Variants in SMARCC1 observed in about 807,000 individuals in gnomAD.
The protein encoded by SMARCC1 is SWI/SNF related BAF chromatin remodeling complex subunit C1, also known as SWI/SNF complex subunit SMARCC1.
In SMARCC1, 43 loss-of-function variants were observed where a neutral mutation model predicts 147.4. That is an observed-to-expected ratio of 0.29 (90% CI 0.23 to 0.38). The LOEUF is 0.38. SMARCC1 is among the 10% of genes least tolerant of loss of function. The pLI, the probability that SMARCC1 is intolerant of heterozygous loss-of-function variation, is 1.00. For synonymous variants in SMARCC1, 495 were observed against 484.4 expected (o/e 1.02, Z -0.29); for missense variants, 1,119 against 1,381.1 (o/e 0.81, Z 3.01).
chr3:47,602,168 G>C (rs747397101), intron 26 of SMARCC1, among the ~76,000 whole-genome samples: 1 of 152,116 alleles, frequency 6.6e-6, no homozygotes, highest in Admixed American at 6.5e-5. Flanking sequence ...GCACATGCCT[G>C]TAAGTCCCAG....
At chr3:47,689,979 T>A (rs1250826912) in intron 12 of SMARCC1, among the ~76,000 whole-genome samples, 1 of 152,188 alleles carries the variant, frequency 6.6e-6, no homozygotes, top group East Asian at 1.9e-4. Context: ...AACAACAAGT[T>A]ACATTATTAT....
chr3:47,701,795 CAG>C (rs1459410162), intron 10 of SMARCC1: 1 of 154,456 alleles, frequency 6.5e-6, no homozygotes, highest in Non-Finnish European at 1.4e-5. Context: ...GCCTGGGTGA[CAG>C]AGAGAGACTC....
chr3:47,670,339 C>G, intron 19 of SMARCC1: 1 of 318,524 alleles, frequency 3.1e-6, no homozygotes, highest in Non-Finnish European at 5.7e-6. Context: ...CATGCCAGAA[C>G]TTTGGGAGGC....
chr3:47,597,021 A>T (rs1039466332), intron 26 of SMARCC1, among the ~76,000 whole-genome samples: 1 of 151,926 alleles, frequency 6.6e-6, no homozygotes, highest in Non-Finnish European at 1.5e-5. Flanking sequence ...TGATGAAAAT[A>T]AAAAAATTAG....
intron 10 of SMARCC1, among the ~76,000 whole-genome samples, chr3:47,703,950 C>T (rs1415571866): frequency 1.3e-5 from 2 of 152,130 alleles, no homozygotes; most frequent in African/African-American, 4.8e-5. Context: ...GCGCCTGCCA[C>T]CACACCCGGC....
chr3:47,634,925 A>G (rs2032948381), intron 24 of SMARCC1, among the ~76,000 whole-genome samples: 1 of 152,206 alleles, frequency 6.6e-6, no homozygotes, highest in African/African-American at 2.4e-5. Context: ...CCTTAAAGAG[A>G]CTTTAAAATT....
At chr3:47,651,125 C>T (rs773213133) in intron 21 of SMARCC1, among the ~76,000 whole-genome samples, 3 of 151,940 alleles carry the variant, frequency 2.0e-5, no homozygotes, top group African/African-American at 4.8e-5. Flanking sequence ...AGCAACATGG[C>T]GAAACCCTGC....
intron 14 of SMARCC1, among the ~76,000 whole-genome samples, chr3:47,682,087 C>T (rs1305636184): frequency 6.7e-6 from 1 of 148,940 alleles, no homozygotes; most frequent in Non-Finnish European, 1.5e-5. Flanking sequence ...TTTTTTAAGA[C>T]ACAGGGTCTC....
rs904432787 is a variant in SMARCC1 at position 47,772,710 on chromosome 3, T to C, written c.315+107A>G. On this transcript the variant is annotated intron_variant, in intron 2 of 27. Transcript: ENST00000254480. ...CTAAAATTTGTTTTTTGCTTTTTTT[T>C]TTTAAATTCTACACGCTAGCAGCAG... The C allele has an allele frequency of 4.6e-6, 5 of 1,075,472 alleles. No individual in the cohort carries two copies. The African/African-American group carries it at 4.8e-5, about 10-fold the overall frequency. 66.6% of individuals were successfully genotyped at this position (1,075,472 alleles called of 1,614,324 possible).
Position 47,604,989 on chromosome 3 carries a change from C to CCG in SMARCC1, c.3043+5075_3043+5076dup, listed in dbSNP as rs2032447988. Reference sequence around the variant, plus strand: ...GTGTTGGGATTACAGGCGTAAGCCACCGCGCCCAGCCTAATGTGCTGTTGC... The same window carrying CCG: ...GTGTTGGGATTACAGGCGTAAGCCACCGCGCGCCCAGCCTAATGTGCTGTTGC... On this transcript the variant is annotated intron_variant, in intron 26 of 27. Transcript: ENST00000254480. Among the ~76,000 whole-genome samples the CCG allele has an allele frequency of 6.6e-5, 10 of 152,320 alleles. No individual in the cohort carries two copies. In the South Asian group the frequency reaches 2.1e-3, roughly 32 times the overall value.
intron 13 of SMARCC1, among the ~76,000 whole-genome samples, chr3:47,688,961 T>A (rs749154670): frequency 2.0e-5 from 3 of 151,974 alleles, no homozygotes; most frequent in Non-Finnish European, 4.4e-5. Flanking sequence ...TGTAATGCCA[T>A]CACTTTGGGA....
Position 47,730,517 on chromosome 3 carries a change from G to A in SMARCC1, c.577-1423C>T, listed in dbSNP as rs116622119. 4.0e-3 allele frequency among the ~76,000 whole-genome samples: 604 copies of A among 152,230 alleles called. 5 individuals are homozygous for A. The highest frequency in any genetic ancestry group is 0.013 in the African/African-American group (548 of 41,544). ...AAAAATCAAAAGTTAAGTTTACACA[G>A]TTTTAGAAAACAGTGTACATACCTT... On this transcript the variant is annotated intron_variant, in intron 5 of 27. Transcript: ENST00000254480.
intron 1 of SMARCC1, among the ~76,000 whole-genome samples, chr3:47,776,098 A>T (rs1166301652): frequency 2.0e-5 from 3 of 151,360 alleles, no homozygotes; most frequent in East Asian, 2.0e-4. Flanking sequence ...CAGTGAGCCG[A>T]AAGTGCGCCA....
Position 47,738,075 on chromosome 3 carries a change from T to C in SMARCC1, c.437A>G (p.Asp146Gly). 3.1e-6 allele frequency: 5 copies of C among 1,598,666 alleles called. No homozygotes were observed. Among genetic ancestry groups the C allele is most frequent in the Non-Finnish European group, 4.3e-6 (5 of 1,173,322 alleles). Reference sequence around the variant, plus strand: ...GTTCATAAACATTTCCACATTACGATCCATTCGAGATGGGTTCTGTAGGTC... The same window carrying C: ...GTTCATAAACATTTCCACATTACGACCCATTCGAGATGGGTTCTGTAGGTC... ...RFDLQNPSRM[D>G]RNVEMFMNIE... Residue 146 changes from aspartate (D) to glycine (G), a missense_variant, in exon 4 of 28, where the codon GAT (aspartate) becomes GGT (glycine). Around this residue, in one of 6 missense-constraint regions of SMARCC1, gnomAD observed 542 missense variants for 611.8 expected, o/e 0.89. Transcript: ENST00000254480.
chr3:47,699,909 C>T (rs1044065022), intron 11 of SMARCC1, among the ~76,000 whole-genome samples: 5 of 151,528 alleles, frequency 3.3e-5, no homozygotes, highest in Admixed American at 6.6e-5. Flanking sequence ...TTTTCCTAGG[C>T]TTTTTTTTAA....
rs755096409 is a variant in SMARCC1 at position 47,738,073 on chromosome 3, G to C, written c.439C>G (p.Arg147Gly). 1.3e-6 allele frequency: 2 copies of C among 1,594,576 alleles called. No individual in the cohort carries two copies. Among genetic ancestry groups the C allele is most frequent in the South Asian group, 2.3e-5 (2 of 87,506 alleles). ...ATGTTCATAAACATTTCCACATTAC[G>C]ATCCATTCGAGATGGGTTCTGTAGG... Reference protein sequence around the residue: ...FDLQNPSRMDRNVEMFMNIEK... With the variant: ...FDLQNPSRMDGNVEMFMNIEK... The change falls in exon 4 of 28, where the codon CGT (arginine) becomes GGT (glycine). Residue 147 changes from arginine (R) to glycine (G), a missense_variant. Physicochemically the swap from Arg to Gly is moderately radical, Grantham distance 125 (BLOSUM62 -2). Transcript: ENST00000254480.
At chr3:47,680,783 G>A (rs1389549165) in intron 14 of SMARCC1, among the ~76,000 whole-genome samples, 6 of 151,776 alleles carry the variant, frequency 4.0e-5, no homozygotes, top group Non-Finnish European at 7.4e-5. Context: ...TCCTGACCTC[G>A]TGATCCGCCC....
chr3:47,596,345 G>A (rs2032281618), intron 26 of SMARCC1, among the ~76,000 whole-genome samples: 2 of 151,820 alleles, frequency 1.3e-5, no homozygotes, highest in African/African-American at 4.8e-5. Flanking sequence ...CAAGGCAGGT[G>A]GATCAAGAGG....
chr3:47,691,925 G>A (rs1052207320), intron 12 of SMARCC1, among the ~76,000 whole-genome samples: 18 of 152,224 alleles, frequency 1.2e-4, no homozygotes, highest in African/African-American at 1.9e-4. Flanking sequence ...GCTTGAACCC[G>A]GGAGGAGGAG....
Sources: gnomAD v4.1 joint callset for allele counts (sites outside exome capture counted in the v4.1 genomes callset) on GRCh38, gnomAD v4.1.1 for gene constraint, gnomAD v4.1.1 regional missense constraint, MANE v1.5 for transcripts, NCBI Gene and HGNC (gene_info 2026-07-23, HGNC 2026-07-21) for gene names.